Variants in AHRR observed in about 807,000 individuals in gnomAD.
AHRR encodes the protein aryl hydrocarbon receptor repressor.
In AHRR, 28 loss-of-function variants were observed where a neutral mutation model predicts 44.0. The ratio of observed to expected loss-of-function variants is 0.64; its 90% confidence interval spans 0.47 to 0.87. The LOEUF is 0.87. AHRR is among the 40% of genes least tolerant of loss of function. AHRR has a pLI of 0.00. For synonymous variants in AHRR, 434 were observed against 407.0 expected (o/e 1.07, Z -0.80); for missense variants, 990 against 953.9 (o/e 1.04, Z -0.50).
rs901929209 is a variant in AHRR at position 370,152 on chromosome 5, C to T, written c.245-6458C>T. On this transcript the variant is annotated intron_variant, in intron 3 of 10. Coordinates refer to ENST00000684583, the MANE Select transcript of AHRR (RefSeq NM_001377236.1). The surrounding 1 kb of genome is among the most constrained non-coding windows in gnomAD (Gnocchi z 4.5). ...CGGGCCCTCGCTGGTGCCCCGTCCT[C>T]CCGGGCCCTCGCTGGAAGCCCCGTC... Among the ~76,000 whole-genome samples, 5 of 146,994 alleles carry T rather than the reference C, an allele frequency of 3.4e-5. 2 individuals carry two copies. Among genetic ancestry groups the T allele is most frequent in the African/African-American group, 1.3e-4 (5 of 39,664 alleles).
chr5:374,017 A>AGGCC (rs1215709281), intron 3 of AHRR, among the ~76,000 whole-genome samples: 1 of 151,402 alleles, frequency 6.6e-6, no homozygotes, highest in Non-Finnish European at 1.5e-5. Context: ...CTCGGGGAAA[A>AGGCC]GGCCGGGGCT....
intron 3 of AHRR, among the ~76,000 whole-genome samples, chr5:374,612 G>A (rs1743712129): frequency 6.6e-6 from 1 of 152,240 alleles, no homozygotes; most frequent in African/African-American, 2.4e-5. Context: ...GTTTTTACCA[G>A]CTATGGGAGT....
chr5:388,646 G>A lies in AHRR; in HGVS notation c.351+11930G>A, dbSNP rs1734270170. Among the ~76,000 whole-genome samples the A allele has an allele frequency of 6.6e-6, 1 of 152,148 alleles. No individual in the cohort carries two copies. On this transcript the variant is annotated intron_variant, in intron 4 of 10. Coordinates refer to ENST00000684583, the MANE Select transcript of AHRR (RefSeq NM_001377236.1). This position sits in a 1 kb window ranked among gnomAD's most constrained non-coding sequence, Gnocchi z 5.2. The stretch of plus-strand genomic sequence containing the variant: ...ACTGGAGGGGCACAGCCTGGCATGG[G>A]GCTTGGTGACATGAGGAGCGGGGGT...
intron 4 of AHRR, among the ~76,000 whole-genome samples, chr5:400,793 C>T (rs1198894268): frequency 6.6e-6 from 1 of 152,178 alleles, no homozygotes; most frequent in Non-Finnish European, 1.5e-5. Context: ...TTGGTTGTGA[C>T]TAATCTCATA....
rs201426173 is a variant in AHRR at position 340,664 on chromosome 5, TTATATATA to T, written c.-10-3211_-10-3204del. 1.6e-4 allele frequency among the ~76,000 whole-genome samples: 5 copies of T among 31,960 alleles called. 1 individual carries two copies. Among genetic ancestry groups the T allele is most frequent in the East Asian group, 7.2e-4 (1 of 1,380 alleles). 21.0% of individuals were successfully genotyped at this position (31,960 alleles called of 152,430 possible). A position where few individuals can be genotyped will look rare whatever the true frequency, so the allele number is the denominator to read the frequency against. ...GGACGCAATTATGTTCACAGCAATA[TTATATATA>T]TATATATATATATATATTTTTTTTT... On this transcript the variant is annotated intron_variant, in intron 1 of 10. Transcript: ENST00000684583.
chr5:355,151 C>G (rs1194749915), intron 3 of AHRR, among the ~76,000 whole-genome samples: 1 of 152,208 alleles, frequency 6.6e-6, no homozygotes, highest in Non-Finnish European at 1.5e-5. Flanking sequence ...CCTCCTGGTG[C>G]CCAGGGCTGC....
At position 422,766 on chromosome 5, in the gene AHRR, A is replaced by T; in HGVS notation, c.479A>T (p.His160Leu). The stretch of plus-strand genomic sequence containing the variant: ...CACCAGAACATTTATGACTACATCC[A>T]CGTGGACGACCGCCAGGACTTCTGC... ...VMHQNIYDYI[H>L]VDDRQDFCRQ... The change falls in exon 6 of 11, where the codon CAC (histidine) becomes CTC (leucine). Residue 160 changes from histidine (H) to leucine (L), a missense_variant. Coordinates refer to ENST00000684583, the MANE Select transcript of AHRR (RefSeq NM_001377236.1). 3 of 1,614,184 alleles carry T rather than the reference A, an allele frequency of 1.9e-6. No homozygotes were observed. In the Admixed American group the frequency reaches 5.0e-5, roughly 27 times the overall value.
chr5:360,098 A>C (rs1296284142), intron 3 of AHRR, among the ~76,000 whole-genome samples: 12 of 152,176 alleles, frequency 7.9e-5, no homozygotes, highest in African/African-American at 2.9e-4. Context: ...CCGCTTAGGA[A>C]GAAATTAAGG....
chr5:408,646 CTTTTT>C (rs1437037498), intron 4 of AHRR, among the ~76,000 whole-genome samples: 3 of 152,240 alleles, frequency 2.0e-5, no homozygotes, highest in African/African-American at 7.2e-5. Context: ...GTGTCATTTT[CTTTTT>C]TATTTTACTC....
rs1299852007 is a variant in AHRR at position 432,950 on chromosome 5, A to C, written c.1112+3A>C. 6.3e-7 allele frequency: 1 copy of C among 1,593,194 alleles called. No homozygotes were observed. Among genetic ancestry groups the C allele is most frequent in the Non-Finnish European group, 8.6e-7 (1 of 1,168,864 alleles). ...CTTGACCCCAAGGGGGGCTCAGGGT[A>C]AGTGGTGCCAGGCAGCCTCCCCCAG... is the stretch of plus-strand genomic sequence containing the variant. On this transcript the variant is annotated splice_donor_region_variant and intron_variant, in intron 10 of 10. Transcript: ENST00000684583.
chr5:427,121 A>G (rs745908195), intron 7 of AHRR, among the ~76,000 whole-genome samples: 3 of 150,588 alleles, frequency 2.0e-5, no homozygotes, highest in Non-Finnish European at 2.9e-5. Flanking sequence ...ATAGAAAGAT[A>G]GATGGATGAA....
chr5:424,294 C>T (rs1709734), intron 7 of AHRR, among the ~76,000 whole-genome samples: 453 of 85,854 alleles, frequency 5.3e-3, no homozygotes, highest in Admixed American at 7.9e-3. Flanking sequence ...GGTGTGGGGG[C>T]TTTAACCCAC....
At chr5:409,653 ATTG>A (rs925310245) in intron 4 of AHRR, among the ~76,000 whole-genome samples, 7 of 128,868 alleles carry the variant, frequency 5.4e-5, no homozygotes, top group African/African-American at 1.9e-4. Context: ...ATGGTTTAAA[ATTG>A]TTTTTTTTTT....
rs183778066 is a variant in AHRR at position 405,799 on chromosome 5, C to T, written c.352-7545C>T. On this transcript the variant is annotated intron_variant, in intron 4 of 10. Coordinates refer to ENST00000684583, the MANE Select transcript of AHRR (RefSeq NM_001377236.1). The surrounding 1 kb of genome is among the most constrained non-coding windows in gnomAD (Gnocchi z 4.5). ...GACAAGTGTTTCTTTTATATTTTCA[C>T]GGCACGTGTGACTTTTCTTTTTGGA... 8.8e-4 allele frequency among the ~76,000 whole-genome samples: 134 copies of T among 152,352 alleles called. No homozygotes were observed. Among genetic ancestry groups the T allele is most frequent in the African/African-American group, 3.0e-3 (125 of 41,586 alleles).
intron 5 of AHRR, 114 bp from the exon 6 acceptor site, chr5:422,615 G>A: frequency 4.3e-6 from 6 of 1,406,390 alleles, no homozygotes; most frequent in South Asian, 2.4e-5. Context: ...CTCTCCCTGT[G>A]GCTGTGACTT....
rs576092173 is a variant in AHRR at position 398,601 on chromosome 5, C to A, written c.352-14743C>A. Among the ~76,000 whole-genome samples, 10 of 152,370 alleles carry A rather than the reference C, an allele frequency of 6.6e-5. No individual in the cohort carries two copies. The South Asian group carries it at 2.1e-3, about 32-fold the overall frequency. On this transcript the variant is annotated intron_variant, in intron 4 of 10. Transcript: ENST00000684583. Reference sequence around the variant, plus strand: ...AGGCAGTGTCAGCACAGGTGAGGGTCCTGGGCCTGCCCCTGGTGGAAGGAG... The same window carrying A: ...AGGCAGTGTCAGCACAGGTGAGGGTACTGGGCCTGCCCCTGGTGGAAGGAG...
intron 3 of AHRR, among the ~76,000 whole-genome samples, chr5:365,983 A>G (rs1009381541): frequency 2.0e-5 from 3 of 151,998 alleles, no homozygotes; most frequent in Non-Finnish European, 4.4e-5. Flanking sequence ...AATTGGAGGT[A>G]TTGGTGTGAG....
At chr5:403,787 C>G in intron 4 of AHRR, 1 of 1,536,750 alleles carries the variant, frequency 6.5e-7, no homozygotes, top group Non-Finnish European at 9.0e-7. Flanking sequence ...TTCAAAGGGT[C>G]TCTTTCCTGG....
chr5:334,923 A>T (rs1284347774), intron 1 of AHRR, among the ~76,000 whole-genome samples: 1 of 152,146 alleles, frequency 6.6e-6, no homozygotes, highest in East Asian at 1.9e-4. Context: ...CTTCTGAGGC[A>T]TGCAGCAGTG....
Sources: gnomAD v4.1 joint callset for allele counts (sites outside exome capture counted in the v4.1 genomes callset) on GRCh38, gnomAD v4.1.1 for gene constraint, Gnocchi (gnomAD v3.1) non-coding constraint, MANE v1.5 for transcripts, NCBI Gene and HGNC (gene_info 2026-07-23, HGNC 2026-07-21) for gene names.